Variants in FIG4 observed in about 807,000 individuals in gnomAD.
The protein encoded by FIG4 is polyphosphoinositide phosphatase.
A neutral mutation model predicts 118.6 loss-of-function variants in FIG4; 112 were observed. The ratio of observed to expected loss-of-function variants is 0.94; its 90% confidence interval spans 0.81 to 1.11. The LOEUF is 1.11. FIG4 is among the 50% of genes least tolerant of loss of function. The probability of loss-of-function intolerance (pLI) is 0.00; values close to 1 mark genes in which losing one functional copy is unlikely to be tolerated. For synonymous variants in FIG4, 369 were observed against 381.2 expected (o/e 0.97, Z 0.37); for missense variants, 969 against 1,111.7 (o/e 0.87, Z 1.83).
intron 1 of FIG4, among the ~76,000 whole-genome samples, chr6:109,714,191 A>G (rs1775357311): frequency 6.6e-6 from 1 of 152,116 alleles, no homozygotes; most frequent in Non-Finnish European, 1.5e-5. Context: ...CCTTGGCGAG[A>G]GTAAGTTTCT....
At chr6:109,802,518 G>C (rs1236955514) in intron 22 of FIG4, among the ~76,000 whole-genome samples, 1 of 152,232 alleles carries the variant, frequency 6.6e-6, no homozygotes, top group African/African-American at 2.4e-5. Context: ...CATGAAACTT[G>C]TGTTTCTGTG....
rs1583738268 is a variant in FIG4 at position 109,789,642 on chromosome 6, G to A, written c.2145G>A (p.Val715=). Residue 715 remains valine, a synonymous_variant, in exon 19 of 23, where the codon GTG becomes GTA. Transcript: ENST00000230124. ...TVGIDPSPFT[V]RKPDETGKSV... Reference sequence around the variant, plus strand: ...GAATTGATCCAAGTCCATTTACTGTGCGTAAACCAGATGAAACTGGAAAAT... The same window carrying A: ...GAATTGATCCAAGTCCATTTACTGTACGTAAACCAGATGAAACTGGAAAAT... 1 of 1,613,546 alleles carries A rather than the reference G, an allele frequency of 6.2e-7. No homozygotes were observed. Among genetic ancestry groups the A allele is most frequent in the Non-Finnish European group, 8.5e-7 (1 of 1,179,614 alleles).
chr6:109,740,050 T>C (rs1414382456), intron 7 of FIG4, among the ~76,000 whole-genome samples: 1 of 152,188 alleles, frequency 6.6e-6, no homozygotes, highest in African/African-American at 2.4e-5. Flanking sequence ...ATCTGGTTGA[T>C]CATTACTGCA....
At chr6:109,706,001 C>G (rs1181217415) in intron 1 of FIG4, among the ~76,000 whole-genome samples, 1 of 152,034 alleles carries the variant, frequency 6.6e-6, no homozygotes, top group Non-Finnish European at 1.5e-5. Flanking sequence ...AGAAAATTAC[C>G]CAGCACATGA....
chr6:109,759,231 T>C (rs1277833338), intron 10 of FIG4, among the ~76,000 whole-genome samples: 1 of 151,886 alleles, frequency 6.6e-6, no homozygotes, highest in African/African-American at 2.4e-5. Flanking sequence ...ATAAAGAAAA[T>C]GTGGTACATA....
chr6:109,716,816 G>A (rs1201764548), intron 3 of FIG4, among the ~76,000 whole-genome samples: 1 of 152,164 alleles, frequency 6.6e-6, no homozygotes, highest in African/African-American at 2.4e-5. Flanking sequence ...TTTGGCCTTT[G>A]AGGAGGTTGC....
intron 15 of FIG4, among the ~76,000 whole-genome samples, chr6:109,767,830 C>A (rs1191608035): frequency 3.3e-5 from 5 of 152,074 alleles, no homozygotes; most frequent in African/African-American, 1.2e-4. Flanking sequence ...CGAGATCGCG[C>A]CACTGCACTC....
intron 3 of FIG4, among the ~76,000 whole-genome samples, chr6:109,721,862 A>G (rs962865135): frequency 6.6e-6 from 1 of 152,186 alleles, no homozygotes; most frequent in African/African-American, 2.4e-5. Flanking sequence ...TCCCTTATAC[A>G]AATTATGAAG....
intron 10 of FIG4, among the ~76,000 whole-genome samples, chr6:109,748,054 A>G (rs1327787611): frequency 1.3e-5 from 2 of 152,130 alleles, no homozygotes; most frequent in African/African-American, 2.4e-5. Context: ...TCCTTAAGGT[A>G]GGAGGAATGG....
intron 3 of FIG4, among the ~76,000 whole-genome samples, chr6:109,718,820 G>GA (rs1775515793): frequency 6.6e-6 from 1 of 151,070 alleles, no homozygotes; most frequent in African/African-American, 2.4e-5. Context: ...TTAAATTTAA[G>GA]AAAAAAATAC....
chr6:109,794,994 A>G (rs972449814), intron 21 of FIG4, among the ~76,000 whole-genome samples: 10 of 145,838 alleles, frequency 6.9e-5, no homozygotes, highest in African/African-American at 2.5e-4. Context: ...CCCGCTGTCT[A>G]TGTCTTCCTT....
intron 1 of FIG4, among the ~76,000 whole-genome samples, chr6:109,706,262 G>A (rs1190641668): frequency 6.6e-6 from 1 of 152,202 alleles, no homozygotes; most frequent in Non-Finnish European, 1.5e-5. Flanking sequence ...GTAGGGATTG[G>A]TGCAGGTGGA....
chr6:109,796,830 G>A lies in FIG4; in HGVS notation c.2525G>A (p.Cys842Tyr). 6.2e-7 allele frequency: 1 copy of A among 1,604,662 alleles called. No individual in the cohort carries two copies. The highest frequency in any genetic ancestry group is 8.5e-7 in the Non-Finnish European group (1 of 1,171,352). Residue 842 changes from cysteine to tyrosine, a missense_variant, in exon 22 of 23, where the codon TGC becomes TAC. Physicochemically the swap from Cys to Tyr is radical, Grantham distance 194 (BLOSUM62 -2). Transcript: ENST00000230124. ...AATAGCCAGCAGCCCTGTTCTAGGT[G>A]CTCAGATGGAGTTATAAAACTGTAA... ...DKNSQQPCSR[C>Y]SDGVIKLTPI...
intron 10 of FIG4, among the ~76,000 whole-genome samples, chr6:109,757,973 A>G (rs573943554): frequency 6.6e-6 from 1 of 152,224 alleles, no homozygotes. Context: ...GCACAAACAG[A>G]TGGAAAAACA....
At chr6:109,778,739 T>C (rs1025987072) in intron 16 of FIG4, among the ~76,000 whole-genome samples, 6 of 152,136 alleles carry the variant, frequency 3.9e-5, no homozygotes, top group African/African-American at 9.6e-5. Context: ...GCTGGGACTA[T>C]GGGTGCCCAC....
rs1777638670 is a variant in FIG4 at position 109,776,973 on chromosome 6, C to G, written c.1802C>G (p.Thr601Ser). The G allele has an allele frequency of 1.9e-6, 3 of 1,613,026 alleles. No individual in the cohort carries two copies. Among genetic ancestry groups the G allele is most frequent in the Non-Finnish European group, 2.5e-6 (3 of 1,179,088 alleles). The change falls in exon 16 of 23, where the codon ACT (threonine) becomes AGT (serine). Residue 601 changes from threonine (T) to serine (S), a missense_variant. This residue lies in a region of FIG4 where 246 missense variants were observed against 354.3 expected (regional missense o/e 0.69). Coordinates refer to ENST00000230124, the MANE Select transcript of FIG4 (RefSeq NM_014845.6). ...INLFLGVFHP[T>S]EGKPHLWELP... The stretch of plus-strand genomic sequence containing the variant: ...CTCTTCCTGGGAGTTTTCCATCCCA[C>G]TGAAGGGAAACCTCATCTCTGGGAG...
intron 22 of FIG4, among the ~76,000 whole-genome samples, chr6:109,804,126 A>G (rs1243037052): frequency 3.3e-5 from 5 of 152,272 alleles, no homozygotes; most frequent in Non-Finnish European, 7.4e-5. Context: ...TACCTTTTAC[A>G]TGAGCAAGCA....
intron 4 of FIG4, among the ~76,000 whole-genome samples, chr6:109,728,265 C>T (rs901169214): frequency 9.2e-5 from 14 of 151,998 alleles, no homozygotes; most frequent in Admixed American, 1.3e-4. Context: ...AAGGAGAGAG[C>T]GCTAAAAGTG....
intron 1 of FIG4, among the ~76,000 whole-genome samples, chr6:109,705,577 T>TC (rs766871177): frequency 4.9e-4 from 74 of 152,338 alleles, no homozygotes; most frequent in Non-Finnish European, 8.5e-4. Context: ...CTCCTCTGAT[T>TC]CATGGATTCT....
Sources: gnomAD v4.1 joint callset for allele counts (sites outside exome capture counted in the v4.1 genomes callset) on GRCh38, gnomAD v4.1.1 for gene constraint, gnomAD v4.1.1 regional missense constraint, MANE v1.5 for transcripts, NCBI Gene and HGNC (gene_info 2026-07-23, HGNC 2026-07-21) for gene names.